HPCAL1: variants seen among roughly 807,000 people sequenced by gnomAD.
HPCAL1 encodes hippocalcin like 1, also known as hippocalcin-like protein 1.
Under a neutral mutation model 17.1 loss-of-function variants are expected in HPCAL1, and 8 were observed. The ratio of observed to expected loss-of-function variants is 0.47; its 90% CI spans 0.27 to 0.84. The LOEUF (loss-of-function observed/expected upper bound fraction) is 0.84, where lower values mean the gene tolerates loss of function less well. HPCAL1 is among the 40% of genes least tolerant of loss of function. The pLI, the probability that HPCAL1 is intolerant of heterozygous loss-of-function variation, is 0.13. For synonymous variants in HPCAL1, 112 were observed against 111.4 expected, an observed-to-expected ratio of 1.01 and a Z score of -0.03; for missense variants, 165 against 271.1, an observed-to-expected ratio of 0.61 and a Z score of 2.75.
chr2:10,348,610 A>AT (rs1468172882), intron 1 of HPCAL1, among the ~76,000 whole-genome samples: 35 of 149,304 alleles, frequency 2.3e-4, no homozygotes, highest in African/African-American at 6.2e-4. Flanking sequence ...CAAAAAAAAA[A>AT]AAATATATAT....
intron 1 of HPCAL1, among the ~76,000 whole-genome samples, chr2:10,315,026 TCAC>T (rs1340056174): frequency 6.6e-6 from 1 of 152,174 alleles, no homozygotes; most frequent in East Asian, 1.9e-4. Flanking sequence ...GCGCGGTGGC[TCAC>T]GCCTGTAATC....
chr2:10,373,916 G>A (rs1374506958), intron 1 of HPCAL1, among the ~76,000 whole-genome samples: 2 of 152,226 alleles, frequency 1.3e-5, no homozygotes, highest in East Asian at 3.8e-4. Flanking sequence ...GCCATCACAG[G>A]GGCTTCTGCG....
intron 1 of HPCAL1, among the ~76,000 whole-genome samples, chr2:10,316,088 T>C (rs1663295853): frequency 6.6e-6 from 1 of 152,192 alleles, no homozygotes; most frequent in Non-Finnish European, 1.5e-5. Context: ...TTATCTAGAA[T>C]ATGGTTTTTC....
intron 1 of HPCAL1, among the ~76,000 whole-genome samples, chr2:10,346,964 C>CA (rs1269395245): frequency 7.2e-6 from 1 of 138,978 alleles, no homozygotes; most frequent in Non-Finnish European, 1.6e-5. Context: ...CCCACCCACC[C>CA]ACCCAGATTA....
At chr2:10,351,392 G>C (rs1665832446) in intron 1 of HPCAL1, among the ~76,000 whole-genome samples, 1 of 152,200 alleles carries the variant, frequency 6.6e-6, no homozygotes. Context: ...TTGTTGCCTG[G>C]GGCTGGGACT....
In HPCAL1 at chr2:10,397,726, A is replaced by G. The variant is rs552136992; in HGVS notation, c.-25+806A>G. ...TCCTCATGACCCTGGTCATCCTGCC[A>G]GCTCCCGAGACAGGAAGGCCTGGCC... On this transcript the variant is annotated intron_variant, in intron 2 of 4. Transcript: ENST00000307845. Among the ~76,000 whole-genome samples the G allele has an allele frequency of 4.7e-5, 7 of 147,420 alleles. No individual in the cohort carries two copies. In the East Asian group the frequency reaches 1.4e-3, roughly 29 times the overall value.
At chr2:10,315,474 A>G (rs1663259086) in intron 1 of HPCAL1, among the ~76,000 whole-genome samples, 1 of 152,124 alleles carries the variant, frequency 6.6e-6, no homozygotes, top group African/African-American at 2.4e-5. Flanking sequence ...ACCAGTGGGC[A>G]TTTATTATTT....
At chr2:10,391,228 AG>A (rs1020280850) in intron 1 of HPCAL1, among the ~76,000 whole-genome samples, 2 of 151,424 alleles carry the variant, frequency 1.3e-5, no homozygotes, top group Non-Finnish European at 2.9e-5. Flanking sequence ...TGAGGCTGCC[AG>A]GGGGGTTTGC....
In HPCAL1 at chr2:10,362,575, G is replaced by T. The variant is rs547362292; in HGVS notation, c.-110-34260G>T. 5.3e-5 allele frequency among the ~76,000 whole-genome samples: 8 copies of T among 152,326 alleles called. No individual in the cohort carries two copies. The highest frequency in any genetic ancestry group is 1.9e-4 in the African/African-American group (8 of 41,582). On this transcript the variant is annotated intron_variant, in intron 1 of 4. Transcript: ENST00000307845. This position sits in a 1 kb window ranked among gnomAD's most constrained non-coding sequence, Gnocchi z 5.0. ...ATGGGGAAGGCCTCCACGGTGTTCT[G>T]TTGTAATGTTCTGCCACTTGGCAGC...
At chr2:10,399,355 CCACCACTACCAT>C in intron 2 of HPCAL1, among the ~76,000 whole-genome samples, 1 of 69,006 alleles carries the variant, frequency 1.4e-5, no homozygotes, top group Non-Finnish European at 3.2e-5. Context: ...ACCACCATCA[CCACCACTACCAT>C]CATCACCACC....
At position 10,359,264 on chromosome 2, in the gene HPCAL1, C is replaced by T. The variant is rs867758946; in HGVS notation, c.-110-37571C>T. Among the ~76,000 whole-genome samples, 3 of 152,096 alleles carry T rather than the reference C, an allele frequency of 2.0e-5. No individual in the cohort carries two copies. Among genetic ancestry groups the T allele is most frequent in the South Asian group, 2.1e-4 (1 of 4,810 alleles). On this transcript the variant is annotated intron_variant, in intron 1 of 4. Transcript: ENST00000307845. The surrounding 1 kb of genome is among the most constrained non-coding windows in gnomAD (Gnocchi z 4.1). ...GTCTGGTGTGTGCCTATGTTTGCTG[C>T]GGGCTGGCTCGGCGAGGGGGAGGTG...
At chr2:10,319,737 A>G (rs1287308946) in intron 1 of HPCAL1, among the ~76,000 whole-genome samples, 1 of 151,956 alleles carries the variant, frequency 6.6e-6, no homozygotes, top group Admixed American at 6.6e-5. Flanking sequence ...GCTCCCATTC[A>G]TTCATTCACT....
intron 1 of HPCAL1, among the ~76,000 whole-genome samples, chr2:10,316,063 T>C (rs1169518383): frequency 6.6e-6 from 1 of 152,176 alleles, no homozygotes; most frequent in Non-Finnish European, 1.5e-5. Context: ...TGTGGCATAG[T>C]GTAGAGTTTG....
At chr2:10,422,447 G>T (rs935970254) in intron 3 of HPCAL1, among the ~76,000 whole-genome samples, 4 of 152,162 alleles carry the variant, frequency 2.6e-5, no homozygotes, top group African/African-American at 4.8e-5. Context: ...GCAGAGACAC[G>T]CAGAGAGACC....
chr2:10,415,027 G>A (rs1302971290), intron 2 of HPCAL1, among the ~76,000 whole-genome samples: 2 of 152,250 alleles, frequency 1.3e-5, no homozygotes, highest in Non-Finnish European at 2.9e-5. Context: ...ACGAAGGGAT[G>A]GGAAAATGGG....
chr2:10,399,113 A>G (rs55676360), intron 2 of HPCAL1, among the ~76,000 whole-genome samples: 100,418 of 151,260 alleles, frequency 0.66, 33,756 homozygotes, highest in African/African-American at 0.75. Flanking sequence ...GCAGGCGAAG[A>G]GATCAGAAGA....
At chr2:10,381,490 G>T in intron 1 of HPCAL1, among the ~76,000 whole-genome samples, 1 of 152,180 alleles carries the variant, frequency 6.6e-6, no homozygotes, top group East Asian at 1.9e-4. Flanking sequence ...ACAGGGCGTT[G>T]TCACATCAGG....
intron 1 of HPCAL1, among the ~76,000 whole-genome samples, chr2:10,307,336 C>T (rs1172256876): frequency 1.3e-5 from 2 of 152,192 alleles, no homozygotes; most frequent in African/African-American, 4.8e-5. Flanking sequence ...TCTGTGTCCC[C>T]TTAGGCAAGT....
chr2:10,397,240 G>T (rs1034745405), intron 2 of HPCAL1, among the ~76,000 whole-genome samples: 28 of 152,222 alleles, frequency 1.8e-4, no homozygotes, highest in African/African-American at 6.7e-4. Context: ...GGGGAATGAG[G>T]GGCCCAGAAC....
Sources: gnomAD v4.1 joint callset for allele counts (sites outside exome capture counted in the v4.1 genomes callset) on GRCh38, gnomAD v4.1.1 for gene constraint, Gnocchi (gnomAD v3.1) non-coding constraint, MANE v1.5 for transcripts, NCBI Gene and HGNC (gene_info 2026-07-23, HGNC 2026-07-21) for gene names.